Variants in CARM1 observed in about 807,000 individuals in gnomAD.
CARM1 encodes the protein histone-arginine methyltransferase CARM1.
In CARM1, 14 loss-of-function variants were observed where a neutral mutation model predicts 72.7. The ratio of observed to expected loss-of-function variants is 0.19; its 90% CI spans 0.13 to 0.30. The LOEUF is 0.30. Ranked by LOEUF, CARM1 falls within the 10% of genes least tolerant of loss-of-function variation. The probability of loss-of-function intolerance (pLI) is 1.00; values close to 1 mark genes in which losing one functional copy is unlikely to be tolerated. For synonymous variants in CARM1, 333 were observed against 345.5 expected (o/e 0.96, Z 0.40); for missense variants, 432 against 833.7 (o/e 0.52, Z 5.93).
chr19:10,909,906 A>G (rs970506967), intron 4 of CARM1, among the ~76,000 whole-genome samples: 1 of 152,132 alleles, frequency 6.6e-6, no homozygotes, highest in Non-Finnish European at 1.5e-5. Flanking sequence ...TTTTCCCCAT[A>G]CAGACATCAG....
intron 1 of CARM1, among the ~76,000 whole-genome samples, chr19:10,875,998 C>T (rs1486480745): frequency 6.6e-6 from 1 of 151,796 alleles, no homozygotes; most frequent in East Asian, 1.9e-4. Context: ...TCCCAAAGTC[C>T]TGGGATTACA....
At chr19:10,883,849 C>T (rs772057882) in intron 1 of CARM1, among the ~76,000 whole-genome samples, 4 of 151,708 alleles carry the variant, frequency 2.6e-5, no homozygotes, top group Non-Finnish European at 5.9e-5. Flanking sequence ...GAAACCCCAT[C>T]TCTACTAAAA....
At chr19:10,891,831 A>G (rs905908456) in intron 1 of CARM1, among the ~76,000 whole-genome samples, 1 of 152,252 alleles carries the variant, frequency 6.6e-6, no homozygotes, top group Non-Finnish European at 1.5e-5. Flanking sequence ...TCTCAGGCAC[A>G]TACAAGCGCG....
intron 1 of CARM1, among the ~76,000 whole-genome samples, chr19:10,894,752 T>C (rs1599694665): frequency 1.3e-5 from 2 of 151,160 alleles, no homozygotes; most frequent in African/African-American, 4.9e-5. Flanking sequence ...TTTTTTTTTT[T>C]CTTCTTGAAA....
intron 14 of CARM1, 110 bp downstream of exon 14, chr19:10,921,237 T>C (rs1333587967): frequency 3.5e-6 from 5 of 1,433,072 alleles, no homozygotes; most frequent in African/African-American, 1.4e-5. Flanking sequence ...CCTTTCACCT[T>C]TTCCTCTTCC....
At chr19:10,877,981 A>G (rs1280370080) in intron 1 of CARM1, among the ~76,000 whole-genome samples, 1 of 152,128 alleles carries the variant, frequency 6.6e-6, no homozygotes, top group African/African-American at 2.4e-5. Flanking sequence ...AGCTGGGACT[A>G]CAAGCACATG....
intron 2 of CARM1, among the ~76,000 whole-genome samples, chr19:10,906,621 C>A (rs1180782721): frequency 6.6e-6 from 1 of 151,998 alleles, no homozygotes; most frequent in African/African-American, 2.4e-5. Context: ...TGCCACTGTA[C>A]CCAGATAATT....
At chr19:10,913,009 G>C (rs1452453014) in intron 5 of CARM1, among the ~76,000 whole-genome samples, 2 of 152,058 alleles carry the variant, frequency 1.3e-5, no homozygotes, top group Non-Finnish European at 2.9e-5. Context: ...ATGTCTGCTC[G>C]TCCCCCTCTT....
rs2074228381 is a variant in CARM1 at position 10,920,078 on chromosome 19, A to G, written c.1196+112A>G. ...GCTCCAGGTTCCACCATCCCTTCCA[A>G]TGGGAGTGAGAGCCTGTCTCGGAGC... On this transcript the variant is annotated intron_variant, in intron 10 of 15. Coordinates refer to ENST00000327064, the MANE Select transcript of CARM1 (RefSeq NM_199141.2). This position sits in a 1 kb window ranked among gnomAD's most constrained non-coding sequence, Gnocchi z 5.3. 4 of 818,958 alleles carry G rather than the reference A, an allele frequency of 4.9e-6. No individual in the cohort carries two copies. Among genetic ancestry groups the G allele is most frequent in the Non-Finnish European group, 4.1e-6 (2 of 487,104 alleles). 50.7% of individuals were successfully genotyped at this position (818,958 alleles called of 1,614,324 possible).
chr19:10,876,747 G>A (rs2146297738), intron 1 of CARM1, among the ~76,000 whole-genome samples: 1 of 152,386 alleles, frequency 6.6e-6, no homozygotes, highest in South Asian at 2.1e-4. Flanking sequence ...GCTTTGGCAT[G>A]GCCTCTGGAG....
intron 8 of CARM1, chr19:10,919,370 C>G: frequency 1.9e-6 from 1 of 531,848 alleles, no homozygotes; most frequent in Non-Finnish European, 3.3e-6. Flanking sequence ...TCCTGTAGTG[C>G]CAAATCTTTT....
At chr19:10,894,207 C>G (rs2074007923) in intron 1 of CARM1, among the ~76,000 whole-genome samples, 1 of 152,184 alleles carries the variant, frequency 6.6e-6, no homozygotes, top group Middle Eastern at 3.2e-3. Flanking sequence ...TGTCCGTCTC[C>G]TCACTGCCCT....
rs201607510 is a variant in CARM1, at chr19:10,913,913, G to C, written c.706G>C (p.Val236Leu). 2 of 1,613,650 alleles carry C rather than the reference G, an allele frequency of 1.2e-6. No individual in the cohort carries two copies. Among genetic ancestry groups the C allele is most frequent in the South Asian group, 2.2e-5 (2 of 91,072 alleles). Residue 236 changes from valine to leucine, a missense_variant, in exon 6 of 16, where the codon GTG (valine) becomes CTG (leucine). By Grantham distance (32) the Val-to-Leu change is conservative (BLOSUM62 1). Coordinates refer to ENST00000327064, the MANE Select transcript of CARM1 (RefSeq NM_199141.2). ...GAGTAACAACCTGACGGACCGCATC[G>C]TGGTCATCCCGGGCAAGGTGGAGGA... is the stretch of plus-strand genomic sequence containing the variant. The part of the protein sequence containing the change: ...VKSNNLTDRI[V>L]VIPGKVEEVS...
chr19:10,910,636 G>T (rs1006434365), intron 4 of CARM1, among the ~76,000 whole-genome samples: 1 of 148,760 alleles, frequency 6.7e-6, no homozygotes, highest in African/African-American at 2.5e-5. Flanking sequence ...CACAATCTCG[G>T]CTCACTGCAA....
intron 1 of CARM1, among the ~76,000 whole-genome samples, chr19:10,894,556 C>G (rs2074010382): frequency 6.6e-6 from 1 of 152,156 alleles, no homozygotes; most frequent in Non-Finnish European, 1.5e-5. Flanking sequence ...TCTACAGCTA[C>G]CAGCTACTCC....
intron 15 of CARM1, 34 bp downstream of exon 15, chr19:10,921,477 G>C (rs1568358370): frequency 1.3e-6 from 2 of 1,586,944 alleles, no homozygotes; most frequent in South Asian, 2.3e-5. Context: ...GCCCGTGGGG[G>C]CCGAGCTAGC....
At position 10,871,589 on chromosome 19, in the gene CARM1, A is replaced by AGCGGCAGCG. The variant is rs2073813247; in HGVS notation, c.-109_-108insAGCGGCGGC. ...CGGCGGCTGCGGCGGCGGTAGCGGC[A>AGCGGCAGCG]GCGGCGGCGGCGGCGGCGGCGGCGG... On this transcript the variant is annotated 5_prime_UTR_variant, in exon 1 of 16. Coordinates refer to ENST00000327064, the MANE Select transcript of CARM1 (RefSeq NM_199141.2). The surrounding 1 kb of genome is among the most constrained non-coding windows in gnomAD (Gnocchi z 5.6). 3.4e-5 allele frequency: 4 copies of AGCGGCAGCG among 117,086 alleles called. No homozygotes were observed. The highest frequency in any genetic ancestry group is 5.3e-5 in the Non-Finnish European group (3 of 56,442). The allele number at this position is 117,086 out of a possible 1,614,324, so 7.3% of individuals were successfully genotyped here. A position where few individuals can be genotyped will look rare whatever the true frequency, so the allele number is the denominator to read the frequency against.
chr19:10,885,960 A>G (rs1174379888), intron 1 of CARM1, among the ~76,000 whole-genome samples: 1 of 140,754 alleles, frequency 7.1e-6, no homozygotes, highest in East Asian at 2.1e-4. Flanking sequence ...TGCAACCTCA[A>G]CCTCCCAGGT....
intron 1 of CARM1, among the ~76,000 whole-genome samples, chr19:10,904,012 A>C (rs1016961687): frequency 3.9e-5 from 6 of 152,150 alleles, no homozygotes; most frequent in Admixed American, 3.3e-4. Context: ...GTTGTCCTGT[A>C]TAACTTTTAA....
Sources: allele counts gnomAD v4.1 joint callset (sites outside exome capture counted in the v4.1 genomes callset), GRCh38; gene constraint gnomAD v4.1.1; non-coding constraint Gnocchi (gnomAD v3.1); transcripts MANE v1.5; gene names NCBI Gene and HGNC (gene_info 2026-07-23, HGNC 2026-07-21).